ST7L: variants seen among roughly 807,000 people sequenced by gnomAD.
The protein encoded by ST7L is suppressor of tumorigenicity 7 protein-like.
ST7L carries 57 observed loss-of-function variants against 72.5 expected under a neutral mutation model. The observed-to-expected ratio is 0.79, with a 90% confidence interval of 0.64 to 0.98. The LOEUF (loss-of-function observed/expected upper bound fraction) is 0.98, where lower values mean the gene tolerates loss of function less well. Ranked by LOEUF, ST7L falls within the 50% of genes least tolerant of loss-of-function variation. The pLI is 0.00. For synonymous variants in ST7L, 221 were observed against 240.9 expected (o/e 0.92, Z 0.77); for missense variants, 576 against 672.2 (o/e 0.86, Z 1.58).
rs767271658 is a variant in ST7L, at chr1:112,555,934, A to G, written c.1330T>C (p.Phe444Leu). Residue 444 changes from phenylalanine (F) to leucine (L), a missense_variant, in exon 12 of 15, where the codon TTT becomes CTT. Phe to Leu is a conservative substitution (Grantham distance 22, BLOSUM62 0). This residue lies in a region of ST7L where 511 missense variants were observed against 600.7 expected (regional missense o/e 0.85). Coordinates refer to ENST00000358039, the MANE Select transcript of ST7L (RefSeq NM_017744.5). Reference protein sequence around the residue: ...GDSEAIAYAFFHLQHWKRIEG... With the variant: ...GDSEAIAYAFLHLQHWKRIEG... Reference sequence around the variant, plus strand: ...ATTCGTTTCCAGTGCTGAAGATGAAAGAAAGCATAGGCAATTGCTTCACTA... The same window carrying G: ...ATTCGTTTCCAGTGCTGAAGATGAAGGAAAGCATAGGCAATTGCTTCACTA... The G allele has an allele frequency of 1.9e-6, 3 of 1,612,754 alleles. No homozygotes were observed. The highest frequency in any genetic ancestry group is 1.1e-5 in the South Asian group (1 of 90,834).
At chr1:112,575,336 C>G (rs893765509) in intron 11 of ST7L, among the ~76,000 whole-genome samples, 1 of 152,198 alleles carries the variant, frequency 6.6e-6, no homozygotes, top group Non-Finnish European at 1.5e-5. Context: ...CCAAACCCTA[C>G]GTACACCATG....
chr1:112,520,902 A>C, downstream of ST7L: 1 of 190,948 alleles, frequency 5.2e-6, no homozygotes, highest in South Asian at 1.3e-4. Flanking sequence ...TTTTGTTTCT[A>C]CCTGGCCAAA....
chr1:112,600,719 T>C, intron 4 of ST7L, 75 bp downstream of exon 4: 4 of 1,299,234 alleles, frequency 3.1e-6, no homozygotes, highest in Non-Finnish European at 4.4e-6. Flanking sequence ...GATATATTTA[T>C]AAAGACAAAT....
At position 112,616,868 on chromosome 1, in the gene ST7L, G is replaced by C. The variant is rs1356573844; in HGVS notation, c.233C>G (p.Pro78Arg). 1 of 1,604,934 alleles carries C rather than the reference G, an allele frequency of 6.2e-7. No individual in the cohort carries two copies. Among genetic ancestry groups the C allele is most frequent in the Non-Finnish European group, 8.5e-7 (1 of 1,177,144 alleles). Reference sequence around the variant, plus strand: ...CCCTGTAAGTGCCACATAGAATTTGGGTGTCAATGAATTTAAAAATACAGT... The same window carrying C: ...CCCTGTAAGTGCCACATAGAATTTGCGTGTCAATGAATTTAAAAATACAGT... The part of the protein sequence containing the change: ...AVTVFLNSLT[P>R]KFYVALTGTS... The change falls in exon 2 of 15, where the codon CCC becomes CGC. Residue 78 changes from proline (P) to arginine (R), a missense_variant. By Grantham distance (103) the Pro-to-Arg change is moderately radical. Transcript: ENST00000358039.
intron 5 of ST7L, among the ~76,000 whole-genome samples, chr1:112,597,602 G>A (rs1401973690): frequency 6.6e-6 from 1 of 152,094 alleles, no homozygotes; most frequent in African/African-American, 2.4e-5. Flanking sequence ...ATAGACTCCA[G>A]TTTTCTGTAC....
intron 14 of ST7L, among the ~76,000 whole-genome samples, chr1:112,531,660 C>T (rs1280629877): frequency 6.6e-6 from 1 of 152,184 alleles, no homozygotes; most frequent in Admixed American, 6.5e-5. Context: ...TATACTAATA[C>T]ATCTTCATGC....
At chr1:112,599,073 A>AAAAAAAAATATATATAT (rs1190968815) in intron 4 of ST7L, among the ~76,000 whole-genome samples, 16 of 56,992 alleles carry the variant, frequency 2.8e-4, no homozygotes, top group Non-Finnish European at 4.0e-4. Context: ...AAAAAAAAAA[A>AAAAAAAAATATATATAT]ATATATATAT....
intron 14 of ST7L, among the ~76,000 whole-genome samples, chr1:112,535,022 T>C (rs1654953288): frequency 6.6e-6 from 1 of 152,174 alleles, no homozygotes; most frequent in South Asian, 2.1e-4. Flanking sequence ...AAGGATACTT[T>C]CTACCAACTT....
chr1:112,570,220 T>C (rs1444952826), intron 11 of ST7L, among the ~76,000 whole-genome samples: 4 of 152,072 alleles, frequency 2.6e-5, no homozygotes, highest in African/African-American at 4.8e-5. Flanking sequence ...ACACATGCTG[T>C]TCTATTTTTT....
Position 112,610,891 on chromosome 1 carries a change from C to A in ST7L, c.401G>T (p.Gly134Val). ...ATTTTCTCTGTTCCTCGAAGGAGAA[C>A]CTGGTTCTGAAATGCTGCTCTCTGT... Reference protein sequence around the residue: ...GGTESSISEPGSPSRNRENET... With the variant: ...GGTESSISEPVSPSRNRENET... The change falls in exon 3 of 15, where the codon GGT (glycine) becomes GTT (valine). Residue 134 changes from glycine (G) to valine (V), a missense_variant. Physicochemically the swap from Gly to Val is moderately radical, Grantham distance 109. Coordinates refer to ENST00000358039, the MANE Select transcript of ST7L (RefSeq NM_017744.5). 2 of 1,614,182 alleles carry A rather than the reference C, an allele frequency of 1.2e-6. No individual in the cohort carries two copies. Among genetic ancestry groups the A allele is most frequent in the South Asian group, 2.2e-5 (2 of 91,076 alleles).
At position 112,551,138 on chromosome 1, in the gene ST7L, C is replaced by CTTTTTTTTTTTTTTTT. The variant is rs567601091; in HGVS notation, c.1397-461_1397-446dup. On this transcript the variant is annotated intron_variant, in intron 12 of 14. Coordinates refer to ENST00000358039, the MANE Select transcript of ST7L (RefSeq NM_017744.5). ...TCACCAAAGCTTTCTATGAGCAGAT[C>CTTTTTTTTTTTTTTTT]TTTTTTTTTTTTTTTTTTTTTTTTT... Among the ~76,000 whole-genome samples the CTTTTTTTTTTTTTTTT allele has an allele frequency of 3.1e-4, 24 of 77,224 alleles. 1 individual carries two copies. The highest frequency in any genetic ancestry group is 7.0e-3 in the Middle Eastern group (1 of 142). The allele number at this position is 77,224 out of a possible 152,430, so 50.7% of individuals were successfully genotyped here.
intron 11 of ST7L, among the ~76,000 whole-genome samples, chr1:112,560,984 A>C (rs1660028867): frequency 6.6e-6 from 1 of 151,082 alleles, no homozygotes; most frequent in Non-Finnish European, 1.5e-5. Flanking sequence ...AAAAAAAAAA[A>C]CTTATTAACT....
At chr1:112,602,817 G>C (rs1180100693) in intron 3 of ST7L, among the ~76,000 whole-genome samples, 1 of 147,852 alleles carries the variant, frequency 6.8e-6, no homozygotes, top group African/African-American at 2.5e-5. Context: ...CCAGGTTCAC[G>C]CCATTCTCCT....
chr1:112,619,452 G>A (rs1030281356), upstream of ST7L: 2 of 541,096 alleles, frequency 3.7e-6, no homozygotes, highest in African/African-American at 1.9e-5. Flanking sequence ...TCCAGCTGCC[G>A]AGCAGCTCTT....
intron 2 of ST7L, among the ~76,000 whole-genome samples, chr1:112,613,295 T>A (rs1185162631): frequency 6.6e-6 from 1 of 151,518 alleles, no homozygotes; most frequent in Non-Finnish European, 1.5e-5. Flanking sequence ...CAAATACTTA[T>A]CAAAAGCTTT....
At position 112,582,115 on chromosome 1, in the gene ST7L, T is replaced by C. The variant is rs1462308808; in HGVS notation, c.955-9A>G. On this transcript the variant is annotated splice_polypyrimidine_tract_variant and intron_variant, in intron 8 of 14. Coordinates refer to ENST00000358039, the MANE Select transcript of ST7L (RefSeq NM_017744.5). Reference sequence around the variant, plus strand: ...GGAAATTCTTTCATCAACTGTATATTAAAAGGAAAAGAAAGATTAAAATCA... The same window carrying C: ...GGAAATTCTTTCATCAACTGTATATCAAAAGGAAAAGAAAGATTAAAATCA... The C allele has an allele frequency of 1.9e-6, 3 of 1,555,306 alleles. No homozygotes were observed. The highest frequency in any genetic ancestry group is 2.7e-6 in the Non-Finnish European group (3 of 1,129,428).
intron 1 of ST7L, chr1:112,618,218 G>C: frequency 8.7e-7 from 1 of 1,149,518 alleles, no homozygotes; most frequent in Non-Finnish European, 1.1e-6. Flanking sequence ...TACAGTATAT[G>C]AGAATCCATC....
intron 14 of ST7L, among the ~76,000 whole-genome samples, chr1:112,534,515 G>C (rs1654876637): frequency 1.3e-5 from 2 of 152,104 alleles, no homozygotes; most frequent in African/African-American, 4.8e-5. Context: ...TGAAGTCTGA[G>C]TTACTCTTGG....
chr1:112,534,424 C>T (rs1211441569), intron 14 of ST7L, among the ~76,000 whole-genome samples: 2 of 152,076 alleles, frequency 1.3e-5, no homozygotes, highest in African/African-American at 4.8e-5. Flanking sequence ...CCCATGGTTT[C>T]GGTAAGTCTA....
Sources: allele counts gnomAD v4.1 joint callset (sites outside exome capture counted in the v4.1 genomes callset), GRCh38; gene constraint gnomAD v4.1.1; regional missense constraint gnomAD v4.1.1; transcripts MANE v1.5; gene names NCBI Gene and HGNC (gene_info 2026-07-23, HGNC 2026-07-21).